Variants in COL22A1 observed in about 807,000 individuals in gnomAD.
COL22A1 encodes collagen type XXII alpha 1 chain, also known as collagen alpha-1(XXII) chain.
COL22A1 carries 221 observed loss-of-function variants against 248.9 expected under a neutral mutation model. The observed-to-expected ratio is 0.89, with a 90% CI of 0.80 to 0.99. The LOEUF is 0.99. Ranked by LOEUF, COL22A1 falls within the 50% of genes least tolerant of loss-of-function variation. The probability of loss-of-function intolerance (pLI) is 0.00; values close to 1 mark genes in which losing one functional copy is unlikely to be tolerated. For missense variants in COL22A1, 2,240 were observed against 2,179.0 expected, an observed-to-expected ratio of 1.03 and a Z score of -0.56; for synonymous variants, 891 against 793.4, an observed-to-expected ratio of 1.12 and a Z score of -2.07.
intron 4 of COL22A1, among the ~76,000 whole-genome samples, chr8:138,842,136 C>A (rs1400470733): frequency 6.6e-6 from 1 of 152,224 alleles, no homozygotes; most frequent in Admixed American, 6.5e-5. Context: ...CATTCCGCCA[C>A]AAACTCAGGC....
intron 30 of COL22A1, among the ~76,000 whole-genome samples, chr8:138,714,278 C>T (rs902138444): frequency 3.3e-5 from 5 of 152,146 alleles, no homozygotes; most frequent in African/African-American, 4.8e-5. Flanking sequence ...GTGCAAAACA[C>T]GCTTATGGAT....
chr8:138,664,194 T>TGCGCGCGCGCGCGC (rs150972699), intron 41 of COL22A1, among the ~76,000 whole-genome samples: 4 of 85,298 alleles, frequency 4.7e-5, no homozygotes, highest in Admixed American at 1.2e-4. Flanking sequence ...CAACAAGGGG[T>TGCGCGCGCGCGCGC]GCGCGCGCGC....
intron 50 of COL22A1, 116 bp from the exon 51 acceptor site, chr8:138,626,359 A>G: frequency 7.1e-6 from 6 of 846,134 alleles, no homozygotes; most frequent in Non-Finnish European, 1.2e-5. Flanking sequence ...GGTGAGAAAC[A>G]AGGAGTGCTT....
At position 138,623,752 on chromosome 8, in the gene COL22A1, G is replaced by A. The variant is rs1313411259; in HGVS notation, c.3751C>T (p.Pro1251Ser). The change falls in exon 52 of 65, where the codon CCG (proline) becomes TCG (serine). Residue 1251 changes from proline to serine, a missense_variant. Physicochemically the swap from Pro to Ser is moderately conservative, Grantham distance 74. Transcript: ENST00000303045. Reference protein sequence around the residue: ...EEGKEGRDGKPGPPGEPGKAG... With the variant: ...EEGKEGRDGKSGPPGEPGKAG... ...TTTACCGGCTCTCCAGGGGGACCCG[G>A]CTTTCCATCTCTGCCCTCTTTGCCT... is the stretch of plus-strand genomic sequence containing the variant. 1.2e-6 allele frequency: 2 copies of A among 1,612,186 alleles called. No homozygotes were observed. The highest frequency in any genetic ancestry group is 1.7e-6 in the Non-Finnish European group (2 of 1,179,204).
intron 56 of COL22A1, among the ~76,000 whole-genome samples, chr8:138,612,652 C>T (rs551069616): frequency 3.3e-5 from 5 of 152,198 alleles, no homozygotes; most frequent in South Asian, 2.1e-4. Flanking sequence ...TTGGGCCAGG[C>T]GCAGTGGCTC....
Position 138,826,648 on chromosome 8 carries a change from C to T in COL22A1, c.969+10G>A, listed in dbSNP as rs116435947. Reference sequence around the variant, plus strand: ...CAGGACCACTGAGATAAGGCATCTGCTGCCCTTACCTGTGGGATGCTGTAC... The same window carrying T: ...CAGGACCACTGAGATAAGGCATCTGTTGCCCTTACCTGTGGGATGCTGTAC... On this transcript the variant is annotated intron_variant, in intron 6 of 64. Coordinates refer to ENST00000303045, the MANE Select transcript of COL22A1 (RefSeq NM_152888.3). 0.012 allele frequency: 19,283 copies of T among 1,613,176 alleles called. 515 individuals are homozygous for T. The highest frequency in any genetic ancestry group is 0.096 in the African/African-American group (7,205 of 74,906).
chr8:138,750,930 T>C (rs147634275), intron 22 of COL22A1, among the ~76,000 whole-genome samples: 18 of 152,256 alleles, frequency 1.2e-4, no homozygotes, highest in African/African-American at 2.6e-4. Context: ...AAGTACGGCA[T>C]TGTTTCAAGA....
At chr8:138,766,829 C>T (rs1365716685) in intron 16 of COL22A1, among the ~76,000 whole-genome samples, 2 of 152,232 alleles carry the variant, frequency 1.3e-5, no homozygotes, top group East Asian at 3.9e-4. Context: ...ATCCTGAGGC[C>T]ACACTAGGGC....
intron 3 of COL22A1, among the ~76,000 whole-genome samples, chr8:138,854,882 G>A (rs1447134605): frequency 6.6e-6 from 1 of 152,004 alleles, no homozygotes; most frequent in African/African-American, 2.4e-5. Flanking sequence ...GGCGACAGTG[G>A]TAGCAATGGT....
intron 15 of COL22A1, among the ~76,000 whole-genome samples, 176 bp from the exon 16 acceptor site, chr8:138,776,186 G>A (rs572123966): frequency 2.5e-4 from 38 of 152,288 alleles, no homozygotes; most frequent in African/African-American, 6.0e-4. Flanking sequence ...CTGCTGTGTC[G>A]TCTGGGCCTG....
chr8:138,760,676 G>A (rs146039067), intron 17 of COL22A1, among the ~76,000 whole-genome samples: 1 of 152,278 alleles, frequency 6.6e-6, no homozygotes, highest in African/African-American at 2.4e-5. Flanking sequence ...CCTTAGAGCT[G>A]AGGACTGGTG....
At chr8:138,830,175 G>A (rs1193356992) in intron 5 of COL22A1, among the ~76,000 whole-genome samples, 1 of 152,196 alleles carries the variant, frequency 6.6e-6, no homozygotes, top group Admixed American at 6.5e-5. Flanking sequence ...CTGAGTTTGA[G>A]GCCAGCCTCT....
intron 30 of COL22A1, among the ~76,000 whole-genome samples, chr8:138,715,089 C>T (rs532656974): frequency 6.6e-6 from 1 of 152,152 alleles, no homozygotes; most frequent in Non-Finnish European, 1.5e-5. Context: ...GTCACAGGCA[C>T]AAAAGGGTGG....
intron 7 of COL22A1, among the ~76,000 whole-genome samples, chr8:138,820,699 C>G (rs1476332067): frequency 6.6e-6 from 1 of 151,474 alleles, no homozygotes; most frequent in Non-Finnish European, 1.5e-5. Context: ...TACCTATCCA[C>G]CTACCTGCAT....
chr8:138,902,739 TACACACACACACACACACACAC>T (rs35023865), intron 1 of COL22A1, among the ~76,000 whole-genome samples: 1 of 93,872 alleles, frequency 1.1e-5, no homozygotes, highest in African/African-American at 4.5e-5. Flanking sequence ...TATATATATA[TACACACACACACACACACACAC>T]ACACACACAC....
chr8:138,765,886 C>T (rs976044173), intron 16 of COL22A1, among the ~76,000 whole-genome samples: 3 of 152,296 alleles, frequency 2.0e-5, no homozygotes, highest in Non-Finnish European at 4.4e-5. Context: ...CAGCCAAGAC[C>T]GAGCAGACAG....
At chr8:138,801,270 G>A (rs770516901) in intron 11 of COL22A1, among the ~76,000 whole-genome samples, 6 of 152,134 alleles carry the variant, frequency 3.9e-5, no homozygotes, top group Admixed American at 2.0e-4. Context: ...CAAGTCATTC[G>A]AGCCTGAGAA....
intron 23 of COL22A1, among the ~76,000 whole-genome samples, chr8:138,728,703 C>T (rs1830500887): frequency 6.6e-6 from 1 of 151,988 alleles, no homozygotes; most frequent in Non-Finnish European, 1.5e-5. Flanking sequence ...ATGAAGAAAA[C>T]TGAGGCCCAA....
At chr8:138,631,886 A>C (rs987409414) in intron 49 of COL22A1, among the ~76,000 whole-genome samples, 4 of 152,156 alleles carry the variant, frequency 2.6e-5, no homozygotes, top group African/African-American at 9.7e-5. Flanking sequence ...TTGATTTCTC[A>C]TTTATTTAGT....
Sources: gnomAD v4.1 joint callset for allele counts (sites outside exome capture counted in the v4.1 genomes callset) on GRCh38, gnomAD v4.1.1 for gene constraint, MANE v1.5 for transcripts, NCBI Gene and HGNC (gene_info 2026-07-23, HGNC 2026-07-21) for gene names.